LRRFIP1: variants seen among roughly 807,000 people sequenced by gnomAD.
The protein encoded by LRRFIP1 is leucine-rich repeat flightless-interacting protein 1.
In LRRFIP1, 62 loss-of-function variants were observed where a neutral mutation model predicts 104.4. The observed-to-expected ratio is 0.59, with a 90% CI of 0.48 to 0.73. The LOEUF is 0.73. Among genes scored for constraint, LRRFIP1 ranks in the 30% least tolerant of loss-of-function variants. The probability of loss-of-function intolerance (pLI) is 0.00; values close to 1 mark genes in which losing one functional copy is unlikely to be tolerated. For synonymous variants in LRRFIP1, 300 were observed against 299.0 expected, an observed-to-expected ratio of 1.00 and a Z score of -0.03; for missense variants, 796 against 824.5, an observed-to-expected ratio of 0.97 and a Z score of 0.42.
chr2:237,651,954 C>G (rs1344000164), intron 1 of LRRFIP1, among the ~76,000 whole-genome samples: 2 of 152,230 alleles, frequency 1.3e-5, no homozygotes, highest in Non-Finnish European at 2.9e-5. Flanking sequence ...TTGGGCTGTG[C>G]AGCTCCAGCG....
intron 9 of LRRFIP1, among the ~76,000 whole-genome samples, chr2:237,734,470 G>A (rs1271569846): frequency 1.3e-5 from 2 of 151,660 alleles, no homozygotes; most frequent in East Asian, 1.9e-4. Flanking sequence ...CAGTAGAGAC[G>A]GGTTTCACCA....
intron 1 of LRRFIP1, among the ~76,000 whole-genome samples, chr2:237,673,291 G>T (rs946435994): frequency 6.6e-6 from 1 of 152,244 alleles, no homozygotes; most frequent in East Asian, 1.9e-4. Flanking sequence ...CGGGGACAGC[G>T]CTGGGAGGGC....
At chr2:237,669,353 G>T (rs2089988861) in intron 1 of LRRFIP1, among the ~76,000 whole-genome samples, 1 of 152,166 alleles carries the variant, frequency 6.6e-6, no homozygotes, top group African/African-American at 2.4e-5. Context: ...TTCATCACAG[G>T]ATTAAGTACT....
intron 9 of LRRFIP1, among the ~76,000 whole-genome samples, chr2:237,734,555 C>T (rs1263074892): frequency 1.3e-5 from 2 of 152,196 alleles, no homozygotes; most frequent in African/African-American, 4.8e-5. Flanking sequence ...GCTAGGATTA[C>T]AGGCATGAGC....
rs570348761 is a variant in LRRFIP1, at chr2:237,635,338, A to G, written c.96+7598A>G. On this transcript the variant is annotated intron_variant, in intron 1 of 23. Transcript: ENST00000308482. ...GTAATATACAGAAAATAAAGATAGC[A>G]TGCTGTTCCTTGTGTGAGAAAGGCT... 2.0e-5 allele frequency among the ~76,000 whole-genome samples: 3 copies of G among 152,362 alleles called. No individual in the cohort carries two copies. In the East Asian group the frequency reaches 5.8e-4, roughly 29 times the overall value.
chr2:237,679,086 C>A (rs553468558), intron 1 of LRRFIP1, among the ~76,000 whole-genome samples: 1 of 152,192 alleles, frequency 6.6e-6, no homozygotes, highest in Non-Finnish European at 1.5e-5. Flanking sequence ...TGTACTCCAG[C>A]ATCAACAATG....
intron 12 of LRRFIP1, 56 bp from the exon 13 acceptor site, chr2:237,749,143 T>G (rs2150607088): frequency 6.4e-7 from 1 of 1,566,486 alleles, no homozygotes; most frequent in Non-Finnish European, 8.7e-7. Flanking sequence ...CAGATGAGAT[T>G]TGGGTGGGGA....
Position 237,739,276 on chromosome 2 carries a change from C to T in LRRFIP1, c.600C>T (p.Ser200=). The T allele has an allele frequency of 6.4e-7, 1 of 1,564,988 alleles. No homozygotes were observed. Among genetic ancestry groups the T allele is most frequent in the East Asian group, 2.4e-5 (1 of 42,062 alleles). The part of the protein sequence containing the change: ...SGHLNSSSRA[S]SRASSARASP... ...ACCTCAACTCCAGCTCCCGCGCCTC[C>T]TCCAGGGCCAGCTCGGCCCGGGCCA... The change falls in exon 11 of 24, where the codon TCC becomes TCT. Residue 200 remains serine (S), a synonymous_variant. Transcript: ENST00000308482.
intron 1 of LRRFIP1, among the ~76,000 whole-genome samples, chr2:237,665,018 G>A (rs540468935): frequency 2.0e-5 from 3 of 152,180 alleles, no homozygotes; most frequent in Non-Finnish European, 4.4e-5. Context: ...GCACTGTGCT[G>A]ACTCTGAAGA....
At chr2:237,779,179 A>T (rs1463538898) in intron 23 of LRRFIP1, among the ~76,000 whole-genome samples, 1 of 152,064 alleles carries the variant, frequency 6.6e-6, no homozygotes, top group East Asian at 1.9e-4. Context: ...ACGCCACTGC[A>T]CTCCAGCCTG....
chr2:237,710,968 G>A (rs898065241), intron 2 of LRRFIP1, among the ~76,000 whole-genome samples: 1 of 152,224 alleles, frequency 6.6e-6, no homozygotes, highest in Non-Finnish European at 1.5e-5. Context: ...CACTGAGGCA[G>A]GAGCATTGCT....
At chr2:237,655,805 C>T (rs1227217795) in intron 1 of LRRFIP1, among the ~76,000 whole-genome samples, 5 of 149,814 alleles carry the variant, frequency 3.3e-5, no homozygotes, top group African/African-American at 5.1e-5. Context: ...CAAAGCCCAA[C>T]GCTGTTAACC....
chr2:237,758,917 A>C, intron 18 of LRRFIP1, 96 bp downstream of exon 18: 1 of 726,952 alleles, frequency 1.4e-6, no homozygotes, highest in Non-Finnish European at 2.3e-6. Context: ...TGTGTACATA[A>C]TTCATTTTAT....
chr2:237,778,467 T>C (rs2061277879), intron 23 of LRRFIP1, among the ~76,000 whole-genome samples: 1 of 152,202 alleles, frequency 6.6e-6, no homozygotes, highest in African/African-American at 2.4e-5. Flanking sequence ...TCAGGCTCCA[T>C]GGCCCTGGCT....
chr2:237,673,835 G>A (rs1367348221), intron 1 of LRRFIP1, among the ~76,000 whole-genome samples: 4 of 152,162 alleles, frequency 2.6e-5, no homozygotes, highest in African/African-American at 9.7e-5. Context: ...GATGACGGGC[G>A]GAGAGGTGGG....
intron 11 of LRRFIP1, among the ~76,000 whole-genome samples, chr2:237,743,365 C>T (rs1366598998): frequency 6.6e-6 from 1 of 152,152 alleles, no homozygotes; most frequent in Non-Finnish European, 1.5e-5. Flanking sequence ...TGTCCCACTT[C>T]GAGAAAATGA....
chr2:237,748,954 T>A (rs2058234916), intron 12 of LRRFIP1, among the ~76,000 whole-genome samples: 1 of 152,172 alleles, frequency 6.6e-6, no homozygotes, highest in African/African-American at 2.4e-5. Flanking sequence ...AGGCACCTTC[T>A]TCACAAGGCG....
intron 1 of LRRFIP1, among the ~76,000 whole-genome samples, chr2:237,699,647 C>A (rs938444544): frequency 6.6e-6 from 1 of 152,216 alleles, no homozygotes; most frequent in Non-Finnish European, 1.5e-5. Context: ...CCACCGCACC[C>A]GGCCAAAACA....
intron 8 of LRRFIP1, among the ~76,000 whole-genome samples, chr2:237,733,370 T>G (rs2095099311): frequency 1.3e-5 from 2 of 152,196 alleles, no homozygotes; most frequent in South Asian, 4.1e-4. Flanking sequence ...TGTCTTCATG[T>G]GTGGACATCT....
Sources: gnomAD v4.1 joint callset for allele counts (sites outside exome capture counted in the v4.1 genomes callset) on GRCh38, gnomAD v4.1.1 for gene constraint, MANE v1.5 for transcripts, NCBI Gene and HGNC (gene_info 2026-07-23, HGNC 2026-07-21) for gene names.